MAP4K3: variants seen among roughly 807,000 people sequenced by gnomAD.
The protein encoded by MAP4K3 is mitogen-activated protein kinase kinase kinase kinase 3.
MAP4K3 carries 94 observed loss-of-function variants against 143.5 expected under a neutral mutation model. The ratio of observed to expected loss-of-function variants is 0.65; its 90% CI spans 0.55 to 0.78. The LOEUF (loss-of-function observed/expected upper bound fraction) is 0.78, where lower values mean the gene tolerates loss of function less well. MAP4K3 is among the 30% of genes least tolerant of loss of function. The pLI is 0.00. For synonymous variants in MAP4K3, 416 were observed against 347.2 expected, an observed-to-expected ratio of 1.20 and a Z score of -2.20; for missense variants, 1,077 against 1,068.1, an observed-to-expected ratio of 1.01 and a Z score of -0.12.
chr2:39,333,961 T>TTGTGTGTG (rs60361690), intron 6 of MAP4K3, among the ~76,000 whole-genome samples: 3,097 of 144,078 alleles, frequency 0.021, 46 homozygotes, highest in East Asian at 0.049. Context: ...TTTCCCATTT[T>TTGTGTGTG]TGTGTGTGTG....
At chr2:39,293,878 A>G (rs1269846633) in intron 16 of MAP4K3, 1 of 152,736 alleles carries the variant, frequency 6.5e-6, no homozygotes, top group Non-Finnish European at 1.5e-5. Flanking sequence ...ACGGGCAAAC[A>G]CATTTACACT....
intron 4 of MAP4K3, among the ~76,000 whole-genome samples, chr2:39,338,587 C>A (rs960874938): frequency 6.6e-6 from 1 of 152,164 alleles, no homozygotes; most frequent in African/African-American, 2.4e-5. Flanking sequence ...TTTTCACTTA[C>A]GATGAACACC....
chr2:39,383,397 A>T (rs1309349609), intron 1 of MAP4K3, among the ~76,000 whole-genome samples: 2 of 106,672 alleles, frequency 1.9e-5, no homozygotes, highest in African/African-American at 6.8e-5. Context: ...GCAAGACGGT[A>T]ATCACCGCCA....
At position 39,278,483 on chromosome 2, in the gene MAP4K3, T is replaced by C. The variant is rs760773260; in HGVS notation, c.1718A>G (p.Gln573Arg). The change falls in exon 24 of 34, where the codon CAG (glutamine) becomes CGG (arginine). Residue 573 changes from glutamine (Q) to arginine (R), a missense_variant. Physicochemically the swap from Gln to Arg is conservative, Grantham distance 43. Transcript: ENST00000263881. ...SSWINPDTRD[Q>R]YLIFGAEEGI... Reference sequence around the variant, plus strand: ...TTCTTCGGCACCAAATATCAAGTACTGATCTGAAATAAAAGTAATTCACTG... The same window carrying C: ...TTCTTCGGCACCAAATATCAAGTACCGATCTGAAATAAAAGTAATTCACTG... The C allele has an allele frequency of 1.3e-6, 2 of 1,561,670 alleles. No homozygotes were observed. Among genetic ancestry groups the C allele is most frequent in the Non-Finnish European group, 1.7e-6 (2 of 1,148,520 alleles).
intron 31 of MAP4K3, among the ~76,000 whole-genome samples, chr2:39,256,312 G>A (rs990026519): frequency 3.3e-5 from 5 of 152,120 alleles, no homozygotes; most frequent in African/African-American, 1.2e-4. Flanking sequence ...AGACAATAAT[G>A]AAATGTGATA....
intron 3 of MAP4K3, among the ~76,000 whole-genome samples, chr2:39,354,100 C>A (rs1407442226): frequency 6.6e-6 from 1 of 152,014 alleles, no homozygotes; most frequent in African/African-American, 2.4e-5. Flanking sequence ...CCTGGAATAA[C>A]AGGTTAGCCA....
chr2:39,376,013 G>A (rs768766916), intron 2 of MAP4K3, among the ~76,000 whole-genome samples: 1 of 152,164 alleles, frequency 6.6e-6, no homozygotes, highest in Non-Finnish European at 1.5e-5. Context: ...GACATACTGT[G>A]AATAATGCTA....
chr2:39,343,604 G>T (rs1665202967), intron 3 of MAP4K3, 152 bp from the exon 4 acceptor site: 2 of 594,442 alleles, frequency 3.4e-6, no homozygotes, highest in Admixed American at 3.1e-5. Flanking sequence ...TATGAGTAAT[G>T]AATTACTTAA....
intron 1 of MAP4K3, among the ~76,000 whole-genome samples, chr2:39,435,539 T>TA (rs781565232): frequency 2.2e-4 from 34 of 152,318 alleles, no homozygotes; most frequent in Non-Finnish European, 4.0e-4. Flanking sequence ...GAGCGTCTGA[T>TA]ACCCTAAACA....
intron 1 of MAP4K3, among the ~76,000 whole-genome samples, chr2:39,398,346 G>A (rs1387100952): frequency 6.6e-6 from 1 of 151,918 alleles, no homozygotes; most frequent in African/African-American, 2.4e-5. Context: ...CTGATATAAC[G>A]AGAGAGCTCC....
intron 12 of MAP4K3, among the ~76,000 whole-genome samples, chr2:39,316,421 T>C (rs1252387298): frequency 1.3e-5 from 2 of 152,130 alleles, no homozygotes; most frequent in South Asian, 2.1e-4. Context: ...TATCCAGGTA[T>C]ACAGAGGCCA....
At chr2:39,331,827 T>C (rs1683691006) in intron 8 of MAP4K3, 90 bp downstream of exon 8, 5 of 778,866 alleles carry the variant, frequency 6.4e-6, no homozygotes, top group Non-Finnish European at 9.8e-6. Context: ...TTAATCTTAG[T>C]CTGAAAAATT....
intron 19 of MAP4K3, 55 bp from the exon 20 acceptor site, chr2:39,288,335 A>C: frequency 6.7e-7 from 1 of 1,493,392 alleles, no homozygotes; most frequent in Non-Finnish European, 9.3e-7. Context: ...ATTTTCCTGA[A>C]GTAAGTACTA....
chr2:39,382,467 G>A (rs1666379027), intron 1 of MAP4K3, among the ~76,000 whole-genome samples: 2 of 152,332 alleles, frequency 1.3e-5, no homozygotes, highest in African/African-American at 4.8e-5. Context: ...ATCTGAGCAA[G>A]TAATTTCCCT....
At chr2:39,308,564 T>C (rs990265736) in intron 14 of MAP4K3, among the ~76,000 whole-genome samples, 10 of 152,080 alleles carry the variant, frequency 6.6e-5, no homozygotes, top group African/African-American at 2.4e-4. Flanking sequence ...CATTATTAAA[T>C]AGCAAATAAA....
intron 2 of MAP4K3, among the ~76,000 whole-genome samples, chr2:39,376,878 T>G (rs865831410): frequency 6.6e-6 from 1 of 152,204 alleles, no homozygotes; most frequent in Non-Finnish European, 1.5e-5. Flanking sequence ...TTTCAACAAC[T>G]TCAAATATCC....
At chr2:39,420,604 G>A (rs1225982529) in intron 1 of MAP4K3, among the ~76,000 whole-genome samples, 5 of 151,044 alleles carry the variant, frequency 3.3e-5, no homozygotes, top group African/African-American at 1.2e-4. Flanking sequence ...TAAGAGATGA[G>A]GTCTAGCTAT....
intron 13 of MAP4K3, among the ~76,000 whole-genome samples, chr2:39,312,360 A>G (rs556157534): frequency 6.6e-6 from 1 of 152,326 alleles, no homozygotes; most frequent in South Asian, 2.1e-4. Flanking sequence ...CAATAAAAAG[A>G]AAACAGCCAC....
intron 1 of MAP4K3, among the ~76,000 whole-genome samples, chr2:39,427,596 CAGAG>C (rs1299510640): frequency 6.6e-6 from 1 of 152,068 alleles, no homozygotes; most frequent in Non-Finnish European, 1.5e-5. Context: ...AGAAAGAGAA[CAGAG>C]AAAGATCAGT....
Sources: allele counts gnomAD v4.1 joint callset (sites outside exome capture counted in the v4.1 genomes callset), GRCh38; gene constraint gnomAD v4.1.1; transcripts MANE v1.5; gene names NCBI Gene and HGNC (gene_info 2026-07-23, HGNC 2026-07-21).